The following SORCS2 variants were observed in gnomAD, a reference collection of about 807,000 sequenced individuals.
SORCS2 encodes the protein sortilin related VPS10 domain containing receptor 2, also known as VPS10 domain-containing receptor SorCS2.
Under a neutral mutation model 141.6 loss-of-function variants are expected in SORCS2, and 100 were observed. The ratio of observed to expected loss-of-function variants is 0.71; its 90% confidence interval spans 0.60 to 0.83. The LOEUF (loss-of-function observed/expected upper bound fraction) is 0.83. Among genes scored for constraint, SORCS2 ranks in the 40% least tolerant of loss-of-function variants. SORCS2 has a pLI of 0.00. For missense variants in SORCS2, 1,646 were observed against 1,560.2 expected (o/e 1.05, Z -0.93); for synonymous variants, 789 against 676.9 (o/e 1.17, Z -2.57).
chr4:7,229,362 A>AT (rs762468385), intron 1 of SORCS2, among the ~76,000 whole-genome samples: 7 of 150,820 alleles, frequency 4.6e-5, no homozygotes, highest in Non-Finnish European at 7.4e-5. Flanking sequence ...CTCGGTGCCA[A>AT]TTTCTTAGCA....
chr4:7,592,597 C>T (rs150567878), intron 3 of SORCS2, among the ~76,000 whole-genome samples: 71 of 152,332 alleles, frequency 4.7e-4, no homozygotes, highest in Non-Finnish European at 7.9e-4. Flanking sequence ...TGCAAATCTG[C>T]GGTCTCTCCC....
At chr4:7,543,089 T>G (rs542687627) in intron 3 of SORCS2, among the ~76,000 whole-genome samples, 11 of 152,264 alleles carry the variant, frequency 7.2e-5, no homozygotes, top group Non-Finnish European at 1.2e-4. Flanking sequence ...AGCCCAGGTT[T>G]TGGGGGGCCT....
At chr4:7,726,610 G>A (rs949664017) in intron 20 of SORCS2, among the ~76,000 whole-genome samples, 170 bp from the exon 21 acceptor site, 1 of 152,086 alleles carries the variant, frequency 6.6e-6, no homozygotes, top group African/African-American at 2.4e-5. Flanking sequence ...CCGGCTGCCC[G>A]CCCCATGCCT....
intron 2 of SORCS2, among the ~76,000 whole-genome samples, chr4:7,452,218 G>C (rs1195154218): frequency 1.3e-5 from 2 of 151,754 alleles, no homozygotes; most frequent in Non-Finnish European, 2.9e-5. Flanking sequence ...TTGGCTCACT[G>C]CAACCTCTGC....
chr4:7,726,910 A>G lies in SORCS2; in HGVS notation c.2869+7A>G, dbSNP rs1393783906. 1 of 1,611,172 alleles carries G rather than the reference A, an allele frequency of 6.2e-7. No homozygotes were observed. Among genetic ancestry groups the G allele is most frequent in the Non-Finnish European group, 8.5e-7 (1 of 1,178,076 alleles). ...AGGGTCCTCCGTGTGCTGGGTAAGT[A>G]CTTCCTGGGGTCTGGCAGCACGGCC... On this transcript the variant is annotated splice_region_variant and intron_variant, in intron 21 of 26. Coordinates refer to ENST00000507866, the MANE Select transcript of SORCS2 (RefSeq NM_020777.3).
rs78366491 is a variant in SORCS2, at chr4:7,225,377, T to C, written c.480+32251T>C. Reference sequence around the variant, plus strand: ...GCTCTTGGCTCAGAGCAGACCGGAATCGTTCTCTGTTGAATGCAAAGGAGC... The same window carrying C: ...GCTCTTGGCTCAGAGCAGACCGGAACCGTTCTCTGTTGAATGCAAAGGAGC... On this transcript the variant is annotated intron_variant, in intron 1 of 26. Transcript: ENST00000507866. Among the ~76,000 whole-genome samples the C allele has an allele frequency of 1.4e-4, 21 of 152,354 alleles. No individual in the cohort carries two copies. The East Asian group carries it at 3.9e-3, about 28-fold the overall frequency.
chr4:7,638,558 G>C (rs1720423398), intron 4 of SORCS2, 66 bp downstream of exon 4: 10 of 1,516,190 alleles, frequency 6.6e-6, no homozygotes, highest in Non-Finnish European at 8.8e-6. Flanking sequence ...ACCTGGAGGT[G>C]AGTGCCCACT....
At chr4:7,313,171 G>A (rs1305909479) in intron 1 of SORCS2, among the ~76,000 whole-genome samples, 1 of 152,244 alleles carries the variant, frequency 6.6e-6, no homozygotes, top group Admixed American at 6.5e-5. Flanking sequence ...TTCCATTTCC[G>A]ATGCATTCAT....
At chr4:7,631,670 T>A (rs1719905110) in intron 3 of SORCS2, among the ~76,000 whole-genome samples, 1 of 152,038 alleles carries the variant, frequency 6.6e-6, no homozygotes, top group Non-Finnish European at 1.5e-5. Context: ...TCCCATGGGG[T>A]TCAGCTCCTA....
intron 1 of SORCS2, among the ~76,000 whole-genome samples, chr4:7,372,878 G>C (rs1722346940): frequency 6.6e-6 from 1 of 152,100 alleles, no homozygotes; most frequent in Non-Finnish European, 1.5e-5. Flanking sequence ...TGATTTGTTG[G>C]TGCTGGCATG....
In SORCS2 at chr4:7,392,907, G is replaced by C. The variant is rs908024275; in HGVS notation, c.481-3381G>C. On this transcript the variant is annotated intron_variant, in intron 1 of 26. Coordinates refer to ENST00000507866, the MANE Select transcript of SORCS2 (RefSeq NM_020777.3). ...ATGGGCCCCTCCCAGTCGGGGGGGG[G>C]GGGGTGCTGCGAGAGAGTGGATGAG... Among the ~76,000 whole-genome samples, 211 of 151,562 alleles carry C rather than the reference G, an allele frequency of 1.4e-3. 3 individuals carry two copies. The highest frequency in any genetic ancestry group is 6.8e-3 in the Middle Eastern group (2 of 294).
chr4:7,726,920 G>T lies in SORCS2; in HGVS notation c.2869+17G>T, dbSNP rs769811041. On this transcript the variant is annotated intron_variant, in intron 21 of 26. Transcript: ENST00000507866. ...GTGTGCTGGGTAAGTACTTCCTGGG[G>T]TCTGGCAGCACGGCCTCTGCATCTC... is the stretch of plus-strand genomic sequence containing the variant. 1 of 1,607,722 alleles carries T rather than the reference G, an allele frequency of 6.2e-7. No individual in the cohort carries two copies. The highest frequency in any genetic ancestry group is 1.1e-5 in the South Asian group (1 of 90,732).
intron 2 of SORCS2, among the ~76,000 whole-genome samples, chr4:7,487,002 G>A (rs1183874642): frequency 5.3e-5 from 8 of 152,242 alleles, no homozygotes; most frequent in African/African-American, 7.2e-5. Flanking sequence ...CGACCTCAGC[G>A]GGAAGCGGCT....
At chr4:7,298,179 T>A (rs1024198354) in intron 1 of SORCS2, among the ~76,000 whole-genome samples, 5 of 152,138 alleles carry the variant, frequency 3.3e-5, no homozygotes, top group African/African-American at 1.2e-4. Context: ...ACCGCAGGCA[T>A]GCAAGACCCC....
chr4:7,374,240 A>T (rs896394238), intron 1 of SORCS2, among the ~76,000 whole-genome samples: 1 of 150,814 alleles, frequency 6.6e-6, no homozygotes, highest in African/African-American at 2.4e-5. Context: ...ATTTGTGGGA[A>T]CCACTATAAT....
chr4:7,308,344 T>A (rs1717968571), intron 1 of SORCS2, among the ~76,000 whole-genome samples: 1 of 152,136 alleles, frequency 6.6e-6, no homozygotes, highest in Admixed American at 6.5e-5. Flanking sequence ...CCTTGGGCTT[T>A]GTTGAGCAGC....
Position 7,233,602 on chromosome 4 carries a change from G to A in SORCS2, c.480+40476G>A, listed in dbSNP as rs978070424. ...ACGAGGACTCAGGAATGAGGCTGGCGGTCACCGTGGAGTGCAGCGCTTCTC... is the reference window on the plus strand; with the variant it reads ...ACGAGGACTCAGGAATGAGGCTGGCAGTCACCGTGGAGTGCAGCGCTTCTC... On this transcript the variant is annotated intron_variant, in intron 1 of 26. Transcript: ENST00000507866. This position sits in a 1 kb window ranked among gnomAD's most constrained non-coding sequence, Gnocchi z 4.5. 6.6e-6 allele frequency among the ~76,000 whole-genome samples: 1 copy of A among 152,140 alleles called. No individual in the cohort carries two copies. Among genetic ancestry groups the A allele is most frequent in the South Asian group, 2.1e-4 (1 of 4,810 alleles).
At chr4:7,602,713 G>A (rs968361262) in intron 3 of SORCS2, among the ~76,000 whole-genome samples, 1 of 151,590 alleles carries the variant, frequency 6.6e-6, no homozygotes, top group East Asian at 2.0e-4. Flanking sequence ...CATCCCAGAC[G>A]ATGGGCGGCC....
chr4:7,323,599 T>C (rs1312247906), intron 1 of SORCS2, among the ~76,000 whole-genome samples: 1 of 151,612 alleles, frequency 6.6e-6, no homozygotes, highest in Non-Finnish European at 1.5e-5. Flanking sequence ...TCTGTGGGGG[T>C]TGAGGGCTGG....
Sources: gnomAD v4.1 joint callset for allele counts (sites outside exome capture counted in the v4.1 genomes callset) on GRCh38, gnomAD v4.1.1 for gene constraint, Gnocchi (gnomAD v3.1) non-coding constraint, MANE v1.5 for transcripts, NCBI Gene and HGNC (gene_info 2026-07-23, HGNC 2026-07-21) for gene names.